MARK1: variants seen among roughly 807,000 people sequenced by gnomAD.
The protein encoded by MARK1 is microtubule affinity regulating kinase 1.
In MARK1, 40 loss-of-function variants were observed where a neutral mutation model predicts 96.3. The observed-to-expected ratio is 0.42, with a 90% CI of 0.32 to 0.54. MARK1 has a LOEUF of 0.54. MARK1 is among the 20% of genes least tolerant of loss of function. MARK1 has a pLI of 0.16. For synonymous variants in MARK1, 317 were observed against 341.2 expected (o/e 0.93, Z 0.78); for missense variants, 719 against 984.6 (o/e 0.73, Z 3.61).
intron 13 of MARK1, among the ~76,000 whole-genome samples, chr1:220,639,285 A>C (rs924863064): frequency 1.3e-5 from 2 of 152,088 alleles, no homozygotes; most frequent in African/African-American, 4.8e-5. Flanking sequence ...ATAAAAATAA[A>C]AATAAATAAG....
At chr1:220,546,972 C>CAAAAAAAA (rs56026911) in intron 1 of MARK1, among the ~76,000 whole-genome samples, 1 of 131,098 alleles carries the variant, frequency 7.6e-6, no homozygotes, top group African/African-American at 2.8e-5. Flanking sequence ...ACTCCGTCTC[C>CAAAAAAAA]AAAAAAAAAA....
At chr1:220,548,131 GA>G (rs1661623748) in intron 1 of MARK1, among the ~76,000 whole-genome samples, 1 of 152,198 alleles carries the variant, frequency 6.6e-6, no homozygotes, top group African/African-American at 2.4e-5. Context: ...TCATTCCCTG[GA>G]AATAGTGGAG....
chr1:220,548,085 T>C (rs1476224158), intron 1 of MARK1, among the ~76,000 whole-genome samples: 1 of 152,244 alleles, frequency 6.6e-6, no homozygotes, highest in Non-Finnish European at 1.5e-5. Flanking sequence ...CAGCAACTCA[T>C]TGGATGTTTA....
intron 3 of MARK1, among the ~76,000 whole-genome samples, chr1:220,586,058 T>C (rs1664605881): frequency 6.6e-6 from 1 of 151,026 alleles, no homozygotes; most frequent in Non-Finnish European, 1.5e-5. Context: ...ATACATAGAG[T>C]TTAAAAGTTG....
intron 6 of MARK1, among the ~76,000 whole-genome samples, chr1:220,609,011 G>A (rs1033566605): frequency 2.0e-5 from 3 of 152,206 alleles, no homozygotes; most frequent in African/African-American, 7.2e-5. Flanking sequence ...GCAAAGTGAT[G>A]CTGAGAAGAA....
At chr1:220,661,623 A>G (rs753121867) in intron 17 of MARK1, among the ~76,000 whole-genome samples, 189 bp from the exon 18 acceptor site, 2 of 152,176 alleles carry the variant, frequency 1.3e-5, no homozygotes, top group Non-Finnish European at 2.9e-5. Context: ...GTCAAAACAG[A>G]TGGCATCTTG....
At position 220,618,169 on chromosome 1, in the gene MARK1, C is replaced by T; in HGVS notation, c.553-141C>T. ...TTCAGAACAGTTATGCATTGAAGTA[C>T]CATACTGGGCTTCTAAATTTGATAC... On this transcript the variant is annotated intron_variant, in intron 7 of 17. Coordinates refer to ENST00000366917, the MANE Select transcript of MARK1 (RefSeq NM_018650.5). The surrounding 1 kb of genome is among the most constrained non-coding windows in gnomAD (Gnocchi z 4.6). The T allele has an allele frequency of 1.6e-6, 1 of 619,196 alleles. No individual in the cohort carries two copies. The allele number at this position is 619,196 out of a possible 1,614,324, so 38.4% of individuals were successfully genotyped here. A position where few individuals can be genotyped will look rare whatever the true frequency, so the allele number is the denominator to read the frequency against.
At position 220,657,894 on chromosome 1, in the gene MARK1, A is replaced by G. The variant is rs1669265869; in HGVS notation, c.2033+60A>G. 4 of 1,232,076 alleles carry G rather than the reference A, an allele frequency of 3.2e-6. No homozygotes were observed. The East Asian group carries it at 1.1e-4, about 35-fold the overall frequency. 76.3% of individuals were successfully genotyped at this position (1,232,076 alleles called of 1,614,324 possible). A position where few individuals can be genotyped will look rare whatever the true frequency, so the allele number is the denominator to read the frequency against. On this transcript the variant is annotated intron_variant, in intron 17 of 17. Coordinates refer to ENST00000366917, the MANE Select transcript of MARK1 (RefSeq NM_018650.5). Reference sequence around the variant, plus strand: ...CCCTGTGTATGAAAACGTACTTTTGAAATACTTACAGCACTTAATGATCAT... The same window carrying G: ...CCCTGTGTATGAAAACGTACTTTTGGAATACTTACAGCACTTAATGATCAT...
intron 6 of MARK1, among the ~76,000 whole-genome samples, chr1:220,608,748 A>C (rs1666247653): frequency 6.6e-6 from 1 of 152,260 alleles, no homozygotes; most frequent in African/African-American, 2.4e-5. Context: ...AGATTCTGGT[A>C]TGTTGTGTCT....
chr1:220,558,974 T>G (rs1662483484), intron 1 of MARK1, among the ~76,000 whole-genome samples: 1 of 152,196 alleles, frequency 6.6e-6, no homozygotes, highest in African/African-American at 2.4e-5. Flanking sequence ...AATCAGCTAG[T>G]GTTAGAGAAC....
At chr1:220,578,915 T>C (rs1226019531) in intron 1 of MARK1, among the ~76,000 whole-genome samples, 1 of 152,176 alleles carries the variant, frequency 6.6e-6, no homozygotes, top group African/African-American at 2.4e-5. Flanking sequence ...TGATCTTGGC[T>C]CACTGCAACT....
chr1:220,570,031 A>G (rs1271780203), intron 1 of MARK1, among the ~76,000 whole-genome samples: 2 of 152,168 alleles, frequency 1.3e-5, no homozygotes, highest in East Asian at 1.9e-4. Flanking sequence ...AAAAAATTTT[A>G]CAAACTAGAA....
chr1:220,560,080 T>TA (rs1296603503), intron 1 of MARK1, among the ~76,000 whole-genome samples: 1 of 151,856 alleles, frequency 6.6e-6, no homozygotes, highest in African/African-American at 2.4e-5. Context: ...CGGCAGGCAA[T>TA]AGAGAAAGAG....
chr1:220,641,068 G>A (rs1246157657), intron 13 of MARK1, among the ~76,000 whole-genome samples: 1 of 152,204 alleles, frequency 6.6e-6, no homozygotes, highest in Admixed American at 6.5e-5. Context: ...AGAAACTTGG[G>A]AGCTAAGTGT....
chr1:220,555,499 A>T (rs1662184670), intron 1 of MARK1, among the ~76,000 whole-genome samples: 1 of 152,172 alleles, frequency 6.6e-6, no homozygotes, highest in African/African-American at 2.4e-5. Context: ...TAGAGAAGTG[A>T]ATGGATTCGT....
intron 5 of MARK1, among the ~76,000 whole-genome samples, chr1:220,600,291 A>T (rs1403946345): frequency 6.6e-6 from 1 of 152,198 alleles, no homozygotes; most frequent in Non-Finnish European, 1.5e-5. Context: ...ACAGATTCTC[A>T]ATATACATAC....
intron 6 of MARK1, among the ~76,000 whole-genome samples, chr1:220,605,879 G>A (rs1161360592): frequency 6.6e-6 from 1 of 152,172 alleles, no homozygotes; most frequent in Non-Finnish European, 1.5e-5. Flanking sequence ...ATTCCATGGT[G>A]TATATGTGCC....
At chr1:220,645,546 C>T (rs538700370) in intron 13 of MARK1, among the ~76,000 whole-genome samples, 1 of 152,316 alleles carries the variant, frequency 6.6e-6, no homozygotes, top group Non-Finnish European at 1.5e-5. Flanking sequence ...AGGAGGGACT[C>T]CTCCCTGACT....
chr1:220,536,413 T>TC (rs898410593), intron 1 of MARK1, among the ~76,000 whole-genome samples: 3 of 151,552 alleles, frequency 2.0e-5, no homozygotes, highest in African/African-American at 7.3e-5. Flanking sequence ...TTTTTTTTTT[T>TC]CCCACACAAT....
Sources: gnomAD v4.1 joint callset for allele counts (sites outside exome capture counted in the v4.1 genomes callset) on GRCh38, gnomAD v4.1.1 for gene constraint, Gnocchi (gnomAD v3.1) non-coding constraint, MANE v1.5 for transcripts, NCBI Gene and HGNC (gene_info 2026-07-23, HGNC 2026-07-21) for gene names.